Variants in LOC128125817 observed in about 807,000 individuals in gnomAD.
chr1:41,598,953 C>T, the LOC128125817 span, among the ~76,000 whole-genome samples: 1 of 151,874 alleles, frequency 6.6e-6, no homozygotes, highest in Non-Finnish European at 1.5e-5. Flanking sequence ...GCAGCTGGGA[C>T]TACAGACACG....
the LOC128125817 span, among the ~76,000 whole-genome samples, chr1:41,625,216 A>G: frequency 8.2e-6 from 1 of 122,408 alleles, no homozygotes; most frequent in South Asian, 2.5e-4. Flanking sequence ...CTTTGCAGTC[A>G]AGCCAAACGA....
At chr1:41,587,525 C>T in the LOC128125817 span, among the ~76,000 whole-genome samples, 1 of 152,206 alleles carries the variant, frequency 6.6e-6, no homozygotes. Flanking sequence ...CAAACCAGGA[C>T]AAAATGGTTA....
the LOC128125817 span, chr1:41,628,688 A>G: frequency 3.3e-4 from 379 of 1,147,236 alleles, 3 homozygotes; most frequent in South Asian, 0.015. Flanking sequence ...AAGCAAGCTC[A>G]TGCAAGACAG....
At chr1:41,624,065 C>T in the LOC128125817 span, among the ~76,000 whole-genome samples, 5 of 152,192 alleles carry the variant, frequency 3.3e-5, no homozygotes, top group Admixed American at 2.0e-4. Flanking sequence ...TCCCAAGCCT[C>T]AGCAGAAGCT....
chr1:41,611,541 T>C, the LOC128125817 span, among the ~76,000 whole-genome samples: 1 of 152,236 alleles, frequency 6.6e-6, no homozygotes, highest in Non-Finnish European at 1.5e-5. Flanking sequence ...GGTTCCATCA[T>C]GCGCCCAGGG....
the LOC128125817 span, among the ~76,000 whole-genome samples, chr1:41,606,641 T>C: frequency 6.6e-6 from 1 of 151,912 alleles, no homozygotes; most frequent in Non-Finnish European, 1.5e-5. Context: ...CCTTTTTTGA[T>C]TGATGAAATA....
the LOC128125817 span, among the ~76,000 whole-genome samples, chr1:41,591,610 C>T: frequency 2.6e-5 from 4 of 151,924 alleles, no homozygotes; most frequent in African/African-American, 9.7e-5. Context: ...TTCCTGACTC[C>T]ATGGAAGCCA....
the LOC128125817 span, among the ~76,000 whole-genome samples, chr1:41,618,678 G>A: frequency 5.8e-4 from 88 of 152,070 alleles, no homozygotes; most frequent in African/African-American, 2.0e-3. Context: ...CCAGGCCCCA[G>A]TGACCTGAGC....
chr1:41,606,774 C>T, the LOC128125817 span, among the ~76,000 whole-genome samples: 75 of 151,846 alleles, frequency 4.9e-4, no homozygotes, highest in Middle Eastern at 3.4e-3. Context: ...AGTTTATCCT[C>T]CAGAATTGTG....
the LOC128125817 span, among the ~76,000 whole-genome samples, chr1:41,593,652 C>T: frequency 6.6e-6 from 1 of 152,244 alleles, no homozygotes; most frequent in Non-Finnish European, 1.5e-5. Flanking sequence ...ATTTCCCTAA[C>T]CTCCTGCCTA....
chr1:41,615,845 T>A, the LOC128125817 span, among the ~76,000 whole-genome samples: 1 of 137,816 alleles, frequency 7.3e-6, no homozygotes, highest in Admixed American at 7.2e-5. Context: ...TTTTTTTTTT[T>A]AGCAGGGTGG....
At chr1:41,626,537 C>A in the LOC128125817 span, among the ~76,000 whole-genome samples, 2 of 152,218 alleles carry the variant, frequency 1.3e-5, no homozygotes, top group Admixed American at 6.5e-5. Flanking sequence ...TGCAGAGGAC[C>A]CCCCATCTGT....
At chr1:41,588,112 C>A in the LOC128125817 span, among the ~76,000 whole-genome samples, 1 of 152,178 alleles carries the variant, frequency 6.6e-6, no homozygotes, top group Admixed American at 6.5e-5. Context: ...AAGTGCTGAG[C>A]CTTCTAAAAA....
chr1:41,626,125 C>G, the LOC128125817 span, among the ~76,000 whole-genome samples: 1 of 152,264 alleles, frequency 6.6e-6, no homozygotes, highest in Non-Finnish European at 1.5e-5. Flanking sequence ...TTTCCCTGCC[C>G]TCAGTAATTC....
chr1:41,628,770 C>T, the LOC128125817 span: 12 of 1,232,068 alleles, frequency 9.7e-6, no homozygotes, highest in African/African-American at 1.1e-4. Context: ...GCACCACTTC[C>T]GATGACCAAA....
At chr1:41,622,508 C>T in the LOC128125817 span, among the ~76,000 whole-genome samples, 3 of 152,136 alleles carry the variant, frequency 2.0e-5, no homozygotes, top group Non-Finnish European at 2.9e-5. Flanking sequence ...TGCCTGTTTT[C>T]GTACATAAAA....
At chr1:41,614,842 G>T in the LOC128125817 span, among the ~76,000 whole-genome samples, 1 of 152,206 alleles carries the variant, frequency 6.6e-6, no homozygotes, top group Non-Finnish European at 1.5e-5. Flanking sequence ...ACGCTGGCCA[G>T]TTCCTCAGAA....
chr1:41,600,129 C>T, the LOC128125817 span, among the ~76,000 whole-genome samples: 1 of 152,248 alleles, frequency 6.6e-6, no homozygotes, highest in South Asian at 2.1e-4. Flanking sequence ...GAATGTAAAA[C>T]GGTGCAGCCT....
At chr1:41,604,733 T>C in the LOC128125817 span, among the ~76,000 whole-genome samples, 2 of 152,188 alleles carry the variant, frequency 1.3e-5, no homozygotes, top group African/African-American at 4.8e-5. Flanking sequence ...TATTCTGTAC[T>C]AGCAGCCTAA....
Sources: gnomAD v4.1 joint callset for allele counts (sites outside exome capture counted in the v4.1 genomes callset) on GRCh38, gnomAD v4.1.1 for gene constraint, MANE v1.5 for transcripts.